PRKCE: variants seen among roughly 807,000 people sequenced by gnomAD.
PRKCE encodes the protein protein kinase C epsilon, also known as protein kinase C epsilon type.
A neutral mutation model predicts 85.4 loss-of-function variants in PRKCE; 16 were observed. The ratio of observed to expected loss-of-function variants is 0.19; its 90% CI spans 0.13 to 0.28. The LOEUF (loss-of-function observed/expected upper bound fraction) is 0.28, where lower values mean the gene tolerates loss of function less well. PRKCE is among the 10% of genes least tolerant of loss of function. The probability of loss-of-function intolerance (pLI) is 1.00; values close to 1 mark genes in which losing one functional copy is unlikely to be tolerated. For missense variants in PRKCE, 573 were observed against 975.2 expected (o/e 0.59, Z 5.49); for synonymous variants, 388 against 371.5 (o/e 1.04, Z -0.51).
chr2:46,146,173 T>G (rs1206568291), intron 12 of PRKCE, among the ~76,000 whole-genome samples: 1 of 152,244 alleles, frequency 6.6e-6, no homozygotes, highest in South Asian at 2.1e-4. Context: ...CTGCCCAAAC[T>G]GAGAGATAAC....
chr2:45,796,623 T>C (rs1380796535), intron 1 of PRKCE, among the ~76,000 whole-genome samples: 1 of 152,172 alleles, frequency 6.6e-6, no homozygotes, highest in African/African-American at 2.4e-5. Flanking sequence ...AAAATGGGGT[T>C]GATATGATAT....
chr2:45,724,199 CTG>C (rs1680867243), intron 1 of PRKCE, among the ~76,000 whole-genome samples: 1 of 152,174 alleles, frequency 6.6e-6, no homozygotes, highest in Admixed American at 6.5e-5. Context: ...CTTCATGTCT[CTG>C]TGTCACATTT....
At chr2:45,810,207 A>G (rs1688557610) in intron 1 of PRKCE, among the ~76,000 whole-genome samples, 1 of 151,650 alleles carries the variant, frequency 6.6e-6, no homozygotes, top group African/African-American at 2.4e-5. Flanking sequence ...TGCCCGGCTA[A>G]TTTTTGTATT....
intron 10 of PRKCE, among the ~76,000 whole-genome samples, chr2:46,048,456 G>A (rs969673453): frequency 8.5e-5 from 13 of 152,182 alleles, no homozygotes; most frequent in African/African-American, 3.1e-4. Context: ...TCCATATGGG[G>A]TTCACTGGGC....
At chr2:45,859,448 A>C (rs1174082367) in intron 2 of PRKCE, among the ~76,000 whole-genome samples, 1 of 152,232 alleles carries the variant, frequency 6.6e-6, no homozygotes, top group Non-Finnish European at 1.5e-5. Context: ...ACATGTTTGC[A>C]ATATCCAATT....
intron 1 of PRKCE, among the ~76,000 whole-genome samples, chr2:45,768,192 A>T (rs1216475499): frequency 1.3e-5 from 2 of 151,378 alleles, no homozygotes; most frequent in Non-Finnish European, 2.9e-5. Flanking sequence ...CTCTTAGGAA[A>T]TTTGACCATT....
chr2:45,881,077 C>T (rs1055016632), intron 2 of PRKCE, among the ~76,000 whole-genome samples: 12 of 143,238 alleles, frequency 8.4e-5, no homozygotes, highest in South Asian at 2.2e-4. Flanking sequence ...GGCGTGAACC[C>T]GGGAGGCGGA....
chr2:46,023,126 G>C (rs1189557292), intron 10 of PRKCE, among the ~76,000 whole-genome samples: 2 of 138,988 alleles, frequency 1.4e-5, no homozygotes, highest in African/African-American at 2.7e-5. Flanking sequence ...TATATAGATA[G>C]ATCCCAAGCT....
In PRKCE at chr2:45,903,027, G is replaced by T. The variant is rs756113364; in HGVS notation, c.412+59964G>T. ...TATTTTCCCCCCAGGAGGATCCTACGTGAATATAGTTTAGTTCCAAATAAT... is the reference window on the plus strand; with the variant it reads ...TATTTTCCCCCCAGGAGGATCCTACTTGAATATAGTTTAGTTCCAAATAAT... On this transcript the variant is annotated intron_variant, in intron 2 of 14. Coordinates refer to ENST00000306156, the MANE Select transcript of PRKCE (RefSeq NM_005400.3). Among the ~76,000 whole-genome samples, 6 of 152,210 alleles carry T rather than the reference G, an allele frequency of 3.9e-5. No homozygotes were observed. The East Asian group carries it at 7.7e-4, about 19-fold the overall frequency.
At chr2:45,898,438 T>C (rs1026010632) in intron 2 of PRKCE, among the ~76,000 whole-genome samples, 1 of 152,162 alleles carries the variant, frequency 6.6e-6, no homozygotes, top group Non-Finnish European at 1.5e-5. Context: ...ACTTTCACAC[T>C]AGGAGATACT....
intron 10 of PRKCE, chr2:46,074,020 T>C (rs1668305443): frequency 1.3e-5 from 2 of 152,134 alleles, no homozygotes; most frequent in African/African-American, 4.8e-5. Context: ...CAGCTTTTTT[T>C]CCCTCTCTTT....
intron 1 of PRKCE, among the ~76,000 whole-genome samples, chr2:45,823,745 TC>T (rs1449494470): frequency 6.6e-6 from 1 of 152,212 alleles, no homozygotes; most frequent in Non-Finnish European, 1.5e-5. Context: ...CTGGCTGATT[TC>T]CCAGGTTGTT....
At chr2:46,038,775 A>G (rs1482380139) in intron 10 of PRKCE, among the ~76,000 whole-genome samples, 1 of 152,050 alleles carries the variant, frequency 6.6e-6, no homozygotes, top group East Asian at 1.9e-4. Flanking sequence ...GCCATGCTTT[A>G]TAATGATAAA....
intron 2 of PRKCE, among the ~76,000 whole-genome samples, chr2:45,901,221 T>C (rs1441969697): frequency 6.6e-6 from 1 of 152,224 alleles, no homozygotes. Context: ...TAGTACAAAT[T>C]GTGCTTACAA....
At chr2:46,048,974 A>G (rs914562854) in intron 10 of PRKCE, among the ~76,000 whole-genome samples, 5 of 150,548 alleles carry the variant, frequency 3.3e-5, no homozygotes, top group Non-Finnish European at 5.9e-5. Context: ...TAATGCCTCC[A>G]TCTGACCTAC....
chr2:45,724,201 G>A (rs892358582), intron 1 of PRKCE, among the ~76,000 whole-genome samples: 3 of 152,162 alleles, frequency 2.0e-5, no homozygotes, highest in African/African-American at 7.2e-5. Context: ...TCATGTCTCT[G>A]TGTCACATTT....
chr2:46,080,130 G>A (rs1354047250), intron 10 of PRKCE, among the ~76,000 whole-genome samples: 1 of 152,154 alleles, frequency 6.6e-6, no homozygotes, highest in Non-Finnish European at 1.5e-5. Flanking sequence ...GCCAAGAGGG[G>A]ATTAATGAGT....
intron 11 of PRKCE, among the ~76,000 whole-genome samples, chr2:46,088,439 G>C (rs994878884): frequency 7.2e-5 from 11 of 152,182 alleles, no homozygotes; most frequent in African/African-American, 2.4e-4. Flanking sequence ...ATCGCAATTT[G>C]AGACTTTCAT....
intron 1 of PRKCE, among the ~76,000 whole-genome samples, chr2:45,765,545 T>G (rs1684845548): frequency 6.6e-6 from 1 of 152,282 alleles, no homozygotes; most frequent in African/African-American, 2.4e-5. Flanking sequence ...TCCAAAGTTC[T>G]TCATTCAATA....
Sources: allele counts gnomAD v4.1 joint callset (sites outside exome capture counted in the v4.1 genomes callset), GRCh38; gene constraint gnomAD v4.1.1; transcripts MANE v1.5; gene names NCBI Gene and HGNC (gene_info 2026-07-23, HGNC 2026-07-21).